The following RPS6KC1 variants were observed in gnomAD, a reference collection of about 807,000 sequenced individuals.
RPS6KC1 encodes the protein ribosomal protein S6 kinase C1, also known as inactive ribosomal protein S6 kinase delta-1.
A neutral mutation model predicts 103.8 loss-of-function variants in RPS6KC1; 54 were observed. The observed-to-expected ratio is 0.52, with a 90% CI of 0.42 to 0.65. The LOEUF (loss-of-function observed/expected upper bound fraction) is 0.65, where lower values mean the gene tolerates loss of function less well. Among genes scored for constraint, RPS6KC1 ranks in the 30% least tolerant of loss-of-function variants. The probability of loss-of-function intolerance (pLI) is 0.00; values close to 1 mark genes in which losing one functional copy is unlikely to be tolerated. For synonymous variants in RPS6KC1, 439 were observed against 438.7 expected, an observed-to-expected ratio of 1.00 and a Z score of -0.01; for missense variants, 1,151 against 1,253.8, an observed-to-expected ratio of 0.92 and a Z score of 1.24.
chr1:213,414,781 G>A, the RPS6KC1 span, among the ~76,000 whole-genome samples: 2 of 151,326 alleles, frequency 1.3e-5, no homozygotes, highest in Non-Finnish European at 1.5e-5. Flanking sequence ...GATTTAGATG[G>A]GTAACTGGAA....
chr1:213,632,507 A>C, the RPS6KC1 span, among the ~76,000 whole-genome samples: 1 of 152,250 alleles, frequency 6.6e-6, no homozygotes, highest in South Asian at 2.1e-4. Context: ...CAACATCAAC[A>C]AAAAGGACAT....
At chr1:213,166,021 A>G (rs1424022253) in intron 6 of RPS6KC1, among the ~76,000 whole-genome samples, 1 of 152,230 alleles carries the variant, frequency 6.6e-6, no homozygotes, top group African/African-American at 2.4e-5. Flanking sequence ...CAGAAAAACC[A>G]AAAGTTTAAA....
At chr1:213,603,377 G>A in the RPS6KC1 span, among the ~76,000 whole-genome samples, 1 of 152,216 alleles carries the variant, frequency 6.6e-6, no homozygotes, top group Non-Finnish European at 1.5e-5. Context: ...CTCCTGGGGA[G>A]AGGGTAAACA....
At chr1:213,187,355 G>A (rs2092575642) in intron 8 of RPS6KC1, among the ~76,000 whole-genome samples, 1 of 147,626 alleles carries the variant, frequency 6.8e-6, no homozygotes, top group South Asian at 2.1e-4. Context: ...GGTGATTCTC[G>A]TGCCTCAGCC....
chr1:213,218,553 A>G (rs369567325), intron 8 of RPS6KC1, among the ~76,000 whole-genome samples: 6 of 152,216 alleles, frequency 3.9e-5, no homozygotes, highest in South Asian at 4.1e-4. Context: ...AAAAGAGCCC[A>G]CATTGCCAAG....
the RPS6KC1 span, among the ~76,000 whole-genome samples, chr1:213,552,990 CTT>C: frequency 1.4e-5 from 2 of 147,858 alleles, no homozygotes; most frequent in Non-Finnish European, 1.5e-5. Context: ...TATTACCATT[CTT>C]TTTTTTTTTC....
chr1:213,766,800 G>A, the RPS6KC1 span, among the ~76,000 whole-genome samples: 1 of 151,788 alleles, frequency 6.6e-6, no homozygotes, highest in Non-Finnish European at 1.5e-5. Flanking sequence ...ATCTCATTAT[G>A]CCGTTGGACC....
chr1:213,279,937 C>T, the RPS6KC1 span, among the ~76,000 whole-genome samples: 85 of 152,302 alleles, frequency 5.6e-4, 1 homozygote, highest in African/African-American at 2.0e-3. Context: ...TGTGTTTTAA[C>T]AAGCCCTTTC....
intron 8 of RPS6KC1, among the ~76,000 whole-genome samples, chr1:213,220,864 C>T (rs934404779): frequency 6.6e-6 from 1 of 151,944 alleles, no homozygotes; most frequent in Admixed American, 6.6e-5. Context: ...TAAAAGACAC[C>T]ACAGTATTTT....
the RPS6KC1 span, among the ~76,000 whole-genome samples, chr1:213,318,974 G>A: frequency 6.6e-6 from 1 of 152,130 alleles, no homozygotes; most frequent in African/African-American, 2.4e-5. Context: ...TAAACAACTA[G>A]CAGGATAGTT....
the RPS6KC1 span, among the ~76,000 whole-genome samples, chr1:213,659,639 T>G: frequency 3.5e-5 from 5 of 140,916 alleles, no homozygotes; most frequent in African/African-American, 1.2e-4. Flanking sequence ...TATTCAGGGT[T>G]TTTTTTTTTT....
chr1:213,462,575 TA>T, the RPS6KC1 span, among the ~76,000 whole-genome samples: 13 of 152,080 alleles, frequency 8.5e-5, no homozygotes, highest in Non-Finnish European at 1.8e-4. Context: ...TATGCAGCCA[TA>T]AAAAAGGATG....
At chr1:213,629,446 C>T in the RPS6KC1 span, among the ~76,000 whole-genome samples, 1 of 152,140 alleles carries the variant, frequency 6.6e-6, no homozygotes, top group Non-Finnish European at 1.5e-5. Context: ...GTAGATCTTC[C>T]TCCATCCCTT....
At chr1:213,618,893 C>A in the RPS6KC1 span, among the ~76,000 whole-genome samples, 2 of 152,260 alleles carry the variant, frequency 1.3e-5, no homozygotes, top group African/African-American at 4.8e-5. Context: ...AAAAAATAAA[C>A]CTCAAGAGGT....
At chr1:213,186,180 C>G (rs1484112939) in intron 8 of RPS6KC1, among the ~76,000 whole-genome samples, 1 of 151,364 alleles carries the variant, frequency 6.6e-6, no homozygotes, top group Non-Finnish European at 1.5e-5. Context: ...CTTAATTTCA[C>G]CAGTGTTTTT....
chr1:213,415,870 G>T, the RPS6KC1 span, among the ~76,000 whole-genome samples: 1 of 152,216 alleles, frequency 6.6e-6, no homozygotes, highest in African/African-American at 2.4e-5. Flanking sequence ...AAATTGCTGT[G>T]TGACTTGGTT....
the RPS6KC1 span, among the ~76,000 whole-genome samples, chr1:213,510,209 T>C: frequency 6.6e-6 from 1 of 152,180 alleles, no homozygotes; most frequent in African/African-American, 2.4e-5. Flanking sequence ...GCCCCAGGCA[T>C]TACCTGTGCC....
At chr1:213,666,164 A>G in the RPS6KC1 span, among the ~76,000 whole-genome samples, 2 of 152,204 alleles carry the variant, frequency 1.3e-5, no homozygotes, top group Non-Finnish European at 1.5e-5. Flanking sequence ...CTCAAAGGAT[A>G]AACAATATGG....
chr1:213,108,022 A>G (rs1186179380), intron 4 of RPS6KC1, among the ~76,000 whole-genome samples: 1 of 152,174 alleles, frequency 6.6e-6, no homozygotes, highest in Non-Finnish European at 1.5e-5. Context: ...GTCTTATCAG[A>G]TAAGTGATTT....
Sources: gnomAD v4.1 joint callset for allele counts (sites outside exome capture counted in the v4.1 genomes callset) on GRCh38, gnomAD v4.1.1 for gene constraint, MANE v1.5 for transcripts, NCBI Gene and HGNC (gene_info 2026-07-23, HGNC 2026-07-21) for gene names.